GPC5: variants seen among roughly 807,000 people sequenced by gnomAD.
GPC5 encodes glypican-5.
In GPC5, 47 loss-of-function variants were observed where a neutral mutation model predicts 53.9. The observed-to-expected ratio is 0.87, with a 90% CI of 0.69 to 1.11. The LOEUF is 1.11. GPC5 is among the 50% of genes most tolerant of loss of function. The probability of loss-of-function intolerance (pLI) is 0.00; values close to 1 mark genes in which losing one functional copy is unlikely to be tolerated. For synonymous variants in GPC5, 286 were observed against 263.3 expected (o/e 1.09, Z -0.84); for missense variants, 748 against 713.1 (o/e 1.05, Z -0.56).
chr13:92,131,484 C>G (rs1045750249), intron 6 of GPC5, among the ~76,000 whole-genome samples: 1 of 151,588 alleles, frequency 6.6e-6, no homozygotes, highest in African/African-American at 2.4e-5. Context: ...AATGGAATAC[C>G]CCTATTAAAA....
intron 2 of GPC5, among the ~76,000 whole-genome samples, chr13:91,521,877 C>G (rs571189611): frequency 1.3e-5 from 2 of 152,340 alleles, no homozygotes; most frequent in African/African-American, 2.4e-5. Flanking sequence ...AACTGACTGG[C>G]TCTAAAATGG....
At position 92,389,913 on chromosome 13, in the gene GPC5, C is replaced by T. The variant is rs1874916512; in HGVS notation, c.1561+244924C>T. Among the ~76,000 whole-genome samples, 6 of 152,246 alleles carry T rather than the reference C, an allele frequency of 3.9e-5. No individual in the cohort carries two copies. The South Asian group carries it at 1.2e-3, about 32-fold the overall frequency. On this transcript the variant is annotated intron_variant, in intron 7 of 7. Coordinates refer to ENST00000377067, the MANE Select transcript of GPC5 (RefSeq NM_004466.6). ...TATGAACTACAAGTTGGTTGCTAAA[C>T]AGGTAAAATTCTGTAATTCAGAAAA...
At chr13:91,566,931 C>CTTT (rs372108616) in intron 2 of GPC5, among the ~76,000 whole-genome samples, 21,579 of 140,668 alleles carry the variant, frequency 0.15, 2,745 homozygotes, top group African/African-American at 0.33. Context: ...TCTTCCAATT[C>CTTT]TTTTTTTTTT....
intron 3 of GPC5, among the ~76,000 whole-genome samples, chr13:91,724,630 C>T (rs2036540412): frequency 6.6e-6 from 1 of 152,066 alleles, no homozygotes; most frequent in Admixed American, 6.5e-5. Context: ...GGGAGGATCA[C>T]TTGAGGCCAG....
At chr13:92,171,622 C>T (rs762636253) in intron 7 of GPC5, among the ~76,000 whole-genome samples, 2 of 152,136 alleles carry the variant, frequency 1.3e-5, no homozygotes, top group Admixed American at 1.3e-4. Context: ...CAATGTCAAT[C>T]TTCAGTTTCT....
intron 7 of GPC5, among the ~76,000 whole-genome samples, chr13:92,573,214 A>C (rs1269431797): frequency 6.6e-6 from 1 of 152,174 alleles, no homozygotes; most frequent in East Asian, 1.9e-4. Flanking sequence ...AATTTATGGT[A>C]AATAAAATGT....
intron 7 of GPC5, among the ~76,000 whole-genome samples, chr13:92,347,725 C>A (rs192724898): frequency 6.9e-6 from 1 of 144,668 alleles, no homozygotes; most frequent in East Asian, 2.1e-4. Flanking sequence ...TGAAATAAAT[C>A]GTCAAGGGAC....
At chr13:92,048,064 T>C (rs2040997707) in intron 6 of GPC5, among the ~76,000 whole-genome samples, 1 of 151,856 alleles carries the variant, frequency 6.6e-6, no homozygotes, top group Non-Finnish European at 1.5e-5. Flanking sequence ...GAAACACAGT[T>C]GTATATAGTG....
chr13:92,720,703 G>C (rs1160115880), intron 7 of GPC5, among the ~76,000 whole-genome samples: 6 of 151,996 alleles, frequency 3.9e-5, no homozygotes, highest in Admixed American at 1.3e-4. Flanking sequence ...TGACAAATGT[G>C]GTCATGGTCA....
intron 7 of GPC5, among the ~76,000 whole-genome samples, chr13:92,381,828 T>C (rs1280320568): frequency 1.9e-5 from 2 of 104,656 alleles, no homozygotes; most frequent in African/African-American, 3.6e-5. Context: ...TATATAATCA[T>C]ATATATTATA....
intron 7 of GPC5, among the ~76,000 whole-genome samples, chr13:92,677,382 G>A (rs578175070): frequency 6.6e-6 from 1 of 152,246 alleles, no homozygotes; most frequent in East Asian, 1.9e-4. Context: ...AGCAGACTAG[G>A]CATAATAGAA....
intron 7 of GPC5, among the ~76,000 whole-genome samples, chr13:92,764,860 G>GT (rs1159631172): frequency 6.6e-6 from 1 of 152,036 alleles, no homozygotes; most frequent in Non-Finnish European, 1.5e-5. Flanking sequence ...TGGGGAAAGG[G>GT]TGGAGGTCTT....
At chr13:92,442,691 G>A (rs1434483322) in intron 7 of GPC5, among the ~76,000 whole-genome samples, 1 of 152,088 alleles carries the variant, frequency 6.6e-6, no homozygotes, top group African/African-American at 2.4e-5. Flanking sequence ...GTGGTTTCAG[G>A]AAGCTTACAA....
intron 6 of GPC5, among the ~76,000 whole-genome samples, chr13:91,959,693 C>T (rs547086409): frequency 6.6e-6 from 1 of 151,520 alleles, no homozygotes; most frequent in Non-Finnish European, 1.5e-5. Context: ...GGATAATATA[C>T]CGTGATTTCA....
chr13:91,793,646 C>T (rs1182510921), intron 5 of GPC5, among the ~76,000 whole-genome samples: 1 of 152,060 alleles, frequency 6.6e-6, no homozygotes, highest in African/African-American at 2.4e-5. Flanking sequence ...CCTGAGACTG[C>T]ATAATTAATA....
chr13:92,342,009 T>G (rs1256602211), intron 7 of GPC5, among the ~76,000 whole-genome samples: 1 of 152,050 alleles, frequency 6.6e-6, no homozygotes, highest in Non-Finnish European at 1.5e-5. Flanking sequence ...TATCCTAAAG[T>G]TTTCATTCTT....
chr13:91,938,526 G>A lies in GPC5; in HGVS notation c.1401+30469G>A, dbSNP rs1021737118. 7.9e-5 allele frequency among the ~76,000 whole-genome samples: 12 copies of A among 152,222 alleles called. No individual in the cohort carries two copies. In the East Asian group the frequency reaches 1.9e-3, roughly 25 times the overall value. ...ACATCCAAACCATATCACTAAGATT[G>A]ATTCCTTTGAACTAAGAGCTCTAGT... On this transcript the variant is annotated intron_variant, in intron 6 of 7. Coordinates refer to ENST00000377067, the MANE Select transcript of GPC5 (RefSeq NM_004466.6).
At chr13:91,910,493 A>G (rs2039599605) in intron 6 of GPC5, among the ~76,000 whole-genome samples, 1 of 152,202 alleles carries the variant, frequency 6.6e-6, no homozygotes, top group South Asian at 2.1e-4. Context: ...TATTAAATTT[A>G]CTTTCCACCT....
intron 5 of GPC5, among the ~76,000 whole-genome samples, chr13:91,896,760 T>A (rs1223767518): frequency 6.6e-6 from 1 of 152,160 alleles, no homozygotes; most frequent in African/African-American, 2.4e-5. Flanking sequence ...TGTTAGTAAT[T>A]ACCACTATTA....
Sources: gnomAD v4.1 joint callset for allele counts (sites outside exome capture counted in the v4.1 genomes callset) on GRCh38, gnomAD v4.1.1 for gene constraint, MANE v1.5 for transcripts, NCBI Gene and HGNC (gene_info 2026-07-23, HGNC 2026-07-21) for gene names.